Variants in SUSD1 observed in about 807,000 individuals in gnomAD.
SUSD1 encodes the protein sushi domain-containing protein 1.
SUSD1 carries 65 observed loss-of-function variants against 86.9 expected under a neutral mutation model. The ratio of observed to expected loss-of-function variants is 0.75; its 90% CI spans 0.61 to 0.92. SUSD1 has a LOEUF of 0.92. Among genes scored for constraint, SUSD1 ranks in the 40% least tolerant of loss-of-function variants. The probability of loss-of-function intolerance (pLI) is 0.00; values close to 1 mark genes in which losing one functional copy is unlikely to be tolerated. For synonymous variants in SUSD1, 346 were observed against 350.0 expected (o/e 0.99, Z 0.13); for missense variants, 850 against 929.7 (o/e 0.91, Z 1.11).
At chr9:112,066,438 T>C (rs1330637017) in intron 12 of SUSD1, among the ~76,000 whole-genome samples, 1 of 152,106 alleles carries the variant, frequency 6.6e-6, no homozygotes, top group Non-Finnish European at 1.5e-5. Context: ...TGACTTGTAA[T>C]ATAGAAAGAG....
chr9:112,098,576 T>C lies in SUSD1; in HGVS notation c.1368A>G (p.Val456=). ...TCGTAGGGTACAGATCCAAACACAC[T>C]ACAGGCACTTGTTCCCTCGTTGTGA... ...FNFTTREQVP[V]VCLDLYPTTD... The change falls in exon 10 of 17, where the codon GTA becomes GTG. Residue 456 remains valine, a synonymous_variant. Transcript: ENST00000374270. 1 of 1,614,146 alleles carries C rather than the reference T, an allele frequency of 6.2e-7. No homozygotes were observed. The highest frequency in any genetic ancestry group is 8.5e-7 in the Non-Finnish European group (1 of 1,180,012).
chr9:112,107,269 AAAAAGAAAAG>A (rs1564300403), intron 8 of SUSD1, among the ~76,000 whole-genome samples: 1 of 150,370 alleles, frequency 6.7e-6, no homozygotes, highest in Admixed American at 6.6e-5. Context: ...AAAAAAAAAA[AAAAAGAAAAG>A]AAAGAAAAAA....
chr9:112,084,140 T>C (rs1168241046), intron 10 of SUSD1, among the ~76,000 whole-genome samples: 2 of 151,786 alleles, frequency 1.3e-5, no homozygotes, highest in African/African-American at 4.8e-5. Flanking sequence ...TACCAAAATG[T>C]GAAAAAAATA....
Position 112,078,642 on chromosome 9 carries a change from G to T in SUSD1, c.1649C>A (p.Pro550His). Residue 550 changes from proline (P) to histidine (H), a missense_variant, in exon 12 of 17, where the codon CCC (proline) becomes CAC (histidine). By Grantham distance (77) the Pro-to-His change is moderately conservative (BLOSUM62 -2). Transcript: ENST00000374270. ...CGGACGTAGGTCCAAGCACACCTCG[G>T]GATCTCGGCTGCTGCTACTGATATT... ...TFNISSSSRDPEVCLDLRPGT... is the reference protein window; with the variant it reads ...TFNISSSSRDHEVCLDLRPGT... The T allele has an allele frequency of 6.2e-7, 1 of 1,613,982 alleles. No individual in the cohort carries two copies. Among genetic ancestry groups the T allele is most frequent in the Non-Finnish European group, 8.5e-7 (1 of 1,179,964 alleles).
chr9:112,072,140 CTTTTTTTT>C, intron 12 of SUSD1, among the ~76,000 whole-genome samples: 1 of 121,168 alleles, frequency 8.3e-6, no homozygotes, highest in Non-Finnish European at 1.6e-5. Flanking sequence ...CTTTCTTTCT[CTTTTTTTT>C]TTTTTTTTGT....
At chr9:112,146,729 G>A (rs536766928) in intron 3 of SUSD1, among the ~76,000 whole-genome samples, 14 of 151,950 alleles carry the variant, frequency 9.2e-5, no homozygotes, top group Non-Finnish European at 2.1e-4. Flanking sequence ...TCAAAGTCCT[G>A]GGCTCCAGCG....
chr9:112,054,506 G>A (rs1190246937), intron 14 of SUSD1, among the ~76,000 whole-genome samples: 1 of 151,952 alleles, frequency 6.6e-6, no homozygotes, highest in African/African-American at 2.4e-5. Context: ...AGGATCACCT[G>A]AGCCCAGGAG....
chr9:112,078,482 C>G (rs1461116447), intron 12 of SUSD1, 56 bp downstream of exon 12: 14 of 1,518,216 alleles, frequency 9.2e-6, no homozygotes, highest in Non-Finnish European at 9.0e-6. Context: ...TTATCAGGAC[C>G]TATGAACAAT....
intron 6 of SUSD1, among the ~76,000 whole-genome samples, chr9:112,115,881 A>G (rs907806740): frequency 1.3e-5 from 2 of 150,530 alleles, no homozygotes; most frequent in African/African-American, 4.9e-5. Context: ...AAGAGACACA[A>G]TGACCTTCAG....
intron 5 of SUSD1, among the ~76,000 whole-genome samples, chr9:112,125,936 C>A (rs1395624240): frequency 3.3e-5 from 5 of 152,178 alleles, no homozygotes; most frequent in Non-Finnish European, 5.9e-5. Flanking sequence ...AATTTCCAAC[C>A]CTGTCTATCT....
At chr9:112,064,880 A>G (rs1192076110) in intron 12 of SUSD1, among the ~76,000 whole-genome samples, 7 of 151,202 alleles carry the variant, frequency 4.6e-5, no homozygotes, top group Non-Finnish European at 7.4e-5. Context: ...TGTCTCAGAA[A>G]AAAAAAAAAA....
At chr9:112,081,021 A>G (rs1333163250) in intron 10 of SUSD1, among the ~76,000 whole-genome samples, 1 of 152,212 alleles carries the variant, frequency 6.6e-6, no homozygotes. Flanking sequence ...ATAGTAATCA[A>G]TCTAAAAGAC....
At chr9:112,079,604 CT>C (rs34242117) in intron 11 of SUSD1, among the ~76,000 whole-genome samples, 31,328 of 139,342 alleles carry the variant, frequency 0.22, 3,402 homozygotes, top group African/African-American at 0.25. Context: ...CTTCCCCCTC[CT>C]TTTTTTTTTT....
chr9:112,170,466 G>A (rs1036884581), intron 1 of SUSD1, among the ~76,000 whole-genome samples: 2 of 151,670 alleles, frequency 1.3e-5, no homozygotes, highest in Non-Finnish European at 2.9e-5. Context: ...ACCCCTCCTC[G>A]CCCATTCCTA....
At chr9:112,108,971 T>G (rs935505918) in intron 8 of SUSD1, among the ~76,000 whole-genome samples, 6 of 151,910 alleles carry the variant, frequency 3.9e-5, no homozygotes, top group Non-Finnish European at 8.8e-5. Flanking sequence ...AATCAACCTC[T>G]AAAAAGAGAA....
chr9:112,115,196 T>C (rs1831261751), intron 6 of SUSD1, among the ~76,000 whole-genome samples: 1 of 152,194 alleles, frequency 6.6e-6, no homozygotes, highest in Non-Finnish European at 1.5e-5. Context: ...GCCAATCCTA[T>C]TCTCCTGTAC....
intron 3 of SUSD1, chr9:112,146,159 C>G (rs1348008799): frequency 2.0e-5 from 3 of 149,794 alleles, no homozygotes; most frequent in East Asian, 1.9e-4. Flanking sequence ...TGATGTTTCT[C>G]TGGCAACTGT....
At chr9:112,159,737 G>A (rs1269206703) in intron 1 of SUSD1, among the ~76,000 whole-genome samples, 1 of 152,154 alleles carries the variant, frequency 6.6e-6, no homozygotes, top group African/African-American at 2.4e-5. Flanking sequence ...ACAAATGTAA[G>A]ACTTATGCGT....
intron 15 of SUSD1, among the ~76,000 whole-genome samples, chr9:112,046,466 G>A (rs1483089281): frequency 6.6e-6 from 1 of 151,882 alleles, no homozygotes; most frequent in African/African-American, 2.4e-5. Context: ...TCTCTTTATG[G>A]TGGCTCCCTC....
Sources: allele counts gnomAD v4.1 joint callset (sites outside exome capture counted in the v4.1 genomes callset), GRCh38; gene constraint gnomAD v4.1.1; transcripts MANE v1.5; gene names NCBI Gene and HGNC (gene_info 2026-07-23, HGNC 2026-07-21).